The following EFCAB14 variants were observed in gnomAD, a reference collection of about 807,000 sequenced individuals.
EFCAB14 encodes EF-hand calcium-binding domain-containing protein 14.
EFCAB14 carries 43 observed loss-of-function variants against 56.5 expected under a neutral mutation model. The observed-to-expected ratio is 0.76, with a 90% CI of 0.60 to 0.98. The LOEUF (loss-of-function observed/expected upper bound fraction) is 0.98, where lower values mean the gene tolerates loss of function less well. Among genes scored for constraint, EFCAB14 ranks in the 50% least tolerant of loss-of-function variants. The pLI, the probability that EFCAB14 is intolerant of heterozygous loss-of-function variation, is 0.00. For missense variants in EFCAB14, 538 were observed against 580.3 expected (o/e 0.93, Z 0.75); for synonymous variants, 235 against 212.9 (o/e 1.10, Z -0.90).
chr1:46,688,687 G>A (rs1676929417), intron 6 of EFCAB14, 143 bp from the exon 7 acceptor site: 2 of 746,840 alleles, frequency 2.7e-6, no homozygotes, highest in South Asian at 3.8e-5. Context: ...GTCTGTCTTT[G>A]CTTTGTCCCT....
Position 46,718,227 on chromosome 1 carries a change from G to T in EFCAB14, c.-140C>A. 1.2e-6 allele frequency: 1 copy of T among 803,520 alleles called. No homozygotes were observed. The highest frequency in any genetic ancestry group is 1.9e-6 in the Non-Finnish European group (1 of 514,114). 49.8% of individuals were successfully genotyped at this position (803,520 alleles called of 1,614,324 possible). A position where few individuals can be genotyped will look rare whatever the true frequency, so the allele number is the denominator to read the frequency against. ...GCCCCCTGGTCACTCCCACCTAGGG[G>T]TGGGACTGACCAGATCCGCCAGGGA... On this transcript the variant is annotated 5_prime_UTR_variant, in exon 1 of 11. Transcript: ENST00000371933.
intron 2 of EFCAB14, among the ~76,000 whole-genome samples, chr1:46,715,404 AAAT>A (rs377189673): frequency 1.5e-3 from 228 of 152,332 alleles, no homozygotes; most frequent in African/African-American, 5.3e-3. Context: ...AAAATAATAA[AAAT>A]AATACCCATC....
At chr1:46,682,510 C>G (rs1676812210) in intron 10 of EFCAB14, among the ~76,000 whole-genome samples, 1 of 152,112 alleles carries the variant, frequency 6.6e-6, no homozygotes, top group African/African-American at 2.4e-5. Context: ...TTTTGGAGGG[C>G]CCTGACAAAC....
chr1:46,716,919 T>C (rs986988840), intron 1 of EFCAB14, among the ~76,000 whole-genome samples: 1 of 152,376 alleles, frequency 6.6e-6, no homozygotes, highest in Non-Finnish European at 1.5e-5. Flanking sequence ...AAACAGGATC[T>C]GTAGTTTTAA....
intron 10 of EFCAB14, among the ~76,000 whole-genome samples, chr1:46,680,310 A>C (rs916340952): frequency 6.6e-6 from 1 of 152,264 alleles, no homozygotes; most frequent in African/African-American, 2.4e-5. Context: ...AGAACAATCG[A>C]AATGTCCATC....
In EFCAB14 at chr1:46,678,362, T is replaced by C; in HGVS notation, c.*99A>G. On this transcript the variant is annotated 3_prime_UTR_variant, in exon 11 of 11. Transcript: ENST00000371933. The stretch of plus-strand genomic sequence containing the variant: ...AAAGGTGGCAAAGTATCTGCTACAG[T>C]AGTTTGGAGGACTAGAGGACTGATG... 2 of 1,276,662 alleles carry C rather than the reference T, an allele frequency of 1.6e-6. No individual in the cohort carries two copies. Among genetic ancestry groups the C allele is most frequent in the Non-Finnish European group, 2.2e-6 (2 of 910,826 alleles). 79.1% of individuals were successfully genotyped at this position (1,276,662 alleles called of 1,614,324 possible).
In EFCAB14 at chr1:46,708,033, CT is replaced by C; in HGVS notation, c.352del (p.Ser118AlafsTer30). On this transcript the variant is annotated frameshift_variant, in exon 3 of 11. Transcript: ENST00000371933. LOFTEE classifies it high-confidence loss of function. ...AAGTTTGGGGATTTCTTGGAATGAG[CT>C]TTTCTGATTAGATTCCACTAAAAAG... is the stretch of plus-strand genomic sequence containing the variant. ...KFRTMESNQK[S>X]SFQEIPKLNE... 1.2e-6 allele frequency: 2 copies of C among 1,611,676 alleles called. No individual in the cohort carries two copies. Among genetic ancestry groups the C allele is most frequent in the Non-Finnish European group, 1.7e-6 (2 of 1,179,464 alleles).
chr1:46,698,096 AC>A (rs1234127375), intron 3 of EFCAB14, among the ~76,000 whole-genome samples: 1 of 152,040 alleles, frequency 6.6e-6, no homozygotes, highest in Non-Finnish European at 1.5e-5. Context: ...TAAGTGATCC[AC>A]CTGCCTTGGT....
At chr1:46,709,946 C>A (rs1222640914) in intron 2 of EFCAB14, among the ~76,000 whole-genome samples, 1 of 152,096 alleles carries the variant, frequency 6.6e-6, no homozygotes, top group Non-Finnish European at 1.5e-5. Flanking sequence ...CAAGATCTTG[C>A]CACCGCACTC....
chr1:46,702,761 T>C (rs1677178142), intron 3 of EFCAB14, among the ~76,000 whole-genome samples: 1 of 152,188 alleles, frequency 6.6e-6, no homozygotes, highest in East Asian at 1.9e-4. Flanking sequence ...TCTAGTGCAA[T>C]TAGAAGTATA....
intron 3 of EFCAB14, among the ~76,000 whole-genome samples, chr1:46,703,094 T>C (rs932086825): frequency 5.9e-5 from 9 of 151,926 alleles, no homozygotes; most frequent in Admixed American, 5.2e-4. Context: ...GTTAGGTTCC[T>C]GTGAGTCCTC....
chr1:46,716,234 G>A (rs1677387323), intron 2 of EFCAB14, 61 bp downstream of exon 2: 4 of 1,455,222 alleles, frequency 2.7e-6, no homozygotes, highest in Non-Finnish European at 3.6e-6. Context: ...AGGCGACAGA[G>A]CAAGACCCTG....
chr1:46,714,816 AC>A (rs1254759399), intron 2 of EFCAB14, among the ~76,000 whole-genome samples: 1 of 151,666 alleles, frequency 6.6e-6, no homozygotes, highest in Non-Finnish European at 1.5e-5. Flanking sequence ...AAAAAAAAAA[AC>A]AAGAAAGAAA....
At chr1:46,697,481 C>T (rs1264371244) in intron 3 of EFCAB14, among the ~76,000 whole-genome samples, 1 of 152,180 alleles carries the variant, frequency 6.6e-6, no homozygotes, top group Non-Finnish European at 1.5e-5. Flanking sequence ...TTGAAAGACT[C>T]TTAGTTCTAA....
intron 9 of EFCAB14, 31 bp downstream of exon 9, chr1:46,684,460 T>C: frequency 1.3e-6 from 2 of 1,581,058 alleles, no homozygotes; most frequent in Non-Finnish European, 1.7e-6. Context: ...CAAGCCTCCA[T>C]GAAATATTAA....
intron 3 of EFCAB14, among the ~76,000 whole-genome samples, chr1:46,706,553 G>C (rs1677236122): frequency 6.6e-6 from 1 of 152,164 alleles, no homozygotes; most frequent in African/African-American, 2.4e-5. Context: ...CTGCATGGCT[G>C]GCTACCTATA....
rs1341730904 is a variant in EFCAB14, at chr1:46,719,001, G to A, written c.-914C>T. The A allele has an allele frequency of 6.5e-6, 1 of 154,426 alleles. No homozygotes were observed. Among genetic ancestry groups the A allele is most frequent in the Non-Finnish European group, 1.4e-5 (1 of 69,070 alleles). 9.6% of individuals were successfully genotyped at this position (154,426 alleles called of 1,614,324 possible). A position where few individuals can be genotyped will look rare whatever the true frequency, so the allele number is the denominator to read the frequency against. ...CAGCCGCGACTCCGGCCCCTGCTCC[G>A]GCTTCGGCCGCGGCTGCTCCCGACA... On this transcript the variant is annotated 5_prime_UTR_variant, in exon 1 of 11. Coordinates refer to ENST00000371933, the MANE Select transcript of EFCAB14 (RefSeq NM_014774.3). The surrounding 1 kb of genome is among the most constrained non-coding windows in gnomAD (Gnocchi z 4.0).
At chr1:46,711,890 C>A (rs750199668) in intron 2 of EFCAB14, among the ~76,000 whole-genome samples, 1 of 152,100 alleles carries the variant, frequency 6.6e-6, no homozygotes, top group Non-Finnish European at 1.5e-5. Flanking sequence ...ATCCCTGCAC[C>A]GGCACTAGTA....
chr1:46,705,342 C>G (rs544327115), intron 3 of EFCAB14, among the ~76,000 whole-genome samples: 1 of 152,354 alleles, frequency 6.6e-6, no homozygotes, highest in African/African-American at 2.4e-5. Context: ...ACTGCAATCT[C>G]TTCCAGTTTC....
Sources: gnomAD v4.1 joint callset for allele counts (sites outside exome capture counted in the v4.1 genomes callset) on GRCh38, gnomAD v4.1.1 for gene constraint, Gnocchi (gnomAD v3.1) non-coding constraint, MANE v1.5 for transcripts, NCBI Gene and HGNC (gene_info 2026-07-23, HGNC 2026-07-21) for gene names.